The following PTPRQ variants were observed in gnomAD, a reference collection of about 807,000 sequenced individuals.
PTPRQ encodes the protein phosphatidylinositol phosphatase PTPRQ.
Under a neutral mutation model 246.0 loss-of-function variants are expected in PTPRQ, and 199 were observed. The observed-to-expected ratio is 0.81, with a 90% confidence interval of 0.72 to 0.91. PTPRQ has a LOEUF of 0.91. Ranked by LOEUF, PTPRQ falls within the 40% of genes least tolerant of loss-of-function variation. PTPRQ has a pLI of 0.00. For missense variants in PTPRQ, 2,624 were observed against 2,528.4 expected, an observed-to-expected ratio of 1.04 and a Z score of -0.81; for synonymous variants, 869 against 853.2, an observed-to-expected ratio of 1.02 and a Z score of -0.32.
In PTPRQ at chr12:80,478,653, A is replaced by C. The variant is rs147225426; in HGVS notation, c.1187-5780A>C. 7.3e-3 allele frequency among the ~76,000 whole-genome samples: 1,118 copies of C among 152,292 alleles called. 13 individuals carry two copies. The highest frequency in any genetic ancestry group is 0.026 in the African/African-American group (1,063 of 41,548). On this transcript the variant is annotated intron_variant, in intron 8 of 44. Transcript: ENST00000644991. ...AAAAAATTTAGAAGAATGTATAACT[A>C]GAATAACCAATACAGAGAAGTGCTT...
At position 80,493,390 on chromosome 12, in the gene PTPRQ, A is replaced by G; in HGVS notation, c.1475A>G (p.Tyr492Cys). ...SDLHSLATFIYNSHPDKNFPA... is the reference protein window; with the variant it reads ...SDLHSLATFICNSHPDKNFPA... Reference sequence around the variant, plus strand: ...CTTCACTCACTTGCTACATTTATATATAACAGCCATCCAGATAAAAACTTT... The same window carrying G: ...CTTCACTCACTTGCTACATTTATATGTAACAGCCATCCAGATAAAAACTTT... Residue 492 changes from tyrosine (Y) to cysteine (C), a missense_variant, in exon 10 of 45, where the codon TAT becomes TGT. By Grantham distance (194) the Tyr-to-Cys change is radical. Coordinates refer to ENST00000644991, the MANE Select transcript of PTPRQ (RefSeq NM_001145026.2). 6.5e-7 allele frequency: 1 copy of G among 1,550,246 alleles called. No individual in the cohort carries two copies. The highest frequency in any genetic ancestry group is 1.2e-5 in the South Asian group (1 of 84,008).
rs550979540 is a variant in PTPRQ at position 80,659,815 on chromosome 12, A to G, written c.6192+1754A>G. Among the ~76,000 whole-genome samples the G allele has an allele frequency of 4.0e-4, 61 of 152,208 alleles. 1 individual carries two copies. The highest frequency in any genetic ancestry group is 1.4e-3 in the African/African-American group (59 of 41,554). On this transcript the variant is annotated intron_variant, in intron 39 of 44. Transcript: ENST00000644991. ...ACTATGACCCAATGTAATGATATGC[A>G]TAATCATTGCTGAGCTGCATGGTAA...
At chr12:80,649,293 A>G (rs1291049496) in intron 36 of PTPRQ, among the ~76,000 whole-genome samples, 1 of 152,184 alleles carries the variant, frequency 6.6e-6, no homozygotes, top group African/African-American at 2.4e-5. Context: ...GGAGTCAATG[A>G]TAACTTCATG....
chr12:80,565,751 T>TA (rs1175272933), intron 25 of PTPRQ, among the ~76,000 whole-genome samples: 1 of 152,208 alleles, frequency 6.6e-6, no homozygotes, highest in Non-Finnish European at 1.5e-5. Flanking sequence ...AGACCTAATT[T>TA]AAAATCAATG....
chr12:80,454,684 T>G, intron 3 of PTPRQ: 2 of 571,196 alleles, frequency 3.5e-6, no homozygotes, highest in South Asian at 4.8e-5. Context: ...GAAGGGATAT[T>G]GGATTTTATT....
chr12:80,541,543 T>G lies in PTPRQ; in HGVS notation c.3155-12T>G, dbSNP rs1565774666. 1.4e-6 allele frequency: 2 copies of G among 1,452,974 alleles called. No homozygotes were observed. Among genetic ancestry groups the G allele is most frequent in the Non-Finnish European group, 9.1e-7 (1 of 1,099,734 alleles). 90.0% of individuals were successfully genotyped at this position (1,452,974 alleles called of 1,614,324 possible). A position where few individuals can be genotyped will look rare whatever the true frequency, so the allele number is the denominator to read the frequency against. On this transcript the variant is annotated splice_polypyrimidine_tract_variant and intron_variant, in intron 20 of 44. Coordinates refer to ENST00000644991, the MANE Select transcript of PTPRQ (RefSeq NM_001145026.2). ...CTGATGATTTTTGTATTTTGCCCAT[T>G]ACCTATCATAGTACCTGAAGGGTTT... is the stretch of plus-strand genomic sequence containing the variant.
intron 35 of PTPRQ, among the ~76,000 whole-genome samples, chr12:80,643,866 T>A (rs562551833): frequency 6.6e-6 from 1 of 152,292 alleles, no homozygotes; most frequent in South Asian, 2.1e-4. Flanking sequence ...CTTCACAAAT[T>A]TAATCTAAGT....
At chr12:80,669,266 C>T (rs955516058) in intron 40 of PTPRQ, 73 bp from the exon 41 acceptor site, 17 of 1,529,612 alleles carry the variant, frequency 1.1e-5, no homozygotes, top group Middle Eastern at 1.7e-4. Context: ...TTAACTTAGT[C>T]GTAATAACTG....
At position 80,496,031 on chromosome 12, in the gene PTPRQ, G is replaced by T. The variant is rs1321948944; in HGVS notation, c.1915G>T (p.Val639Leu). Residue 639 changes from valine (V) to leucine (L), a missense_variant, in exon 13 of 45, where the codon GTG becomes TTG. Physicochemically the swap from Val to Leu is conservative, Grantham distance 32. Coordinates refer to ENST00000644991, the MANE Select transcript of PTPRQ (RefSeq NM_001145026.2). ...LKKYTKYKMR[V>L]AASTHVGESS... ...GAAATACACAAAATACAAAATGAGA[G>T]TGGCAGCCTCAACCCACGTTGGAGA... The T allele has an allele frequency of 6.5e-7, 1 of 1,550,062 alleles. No homozygotes were observed. The highest frequency in any genetic ancestry group is 2.0e-5 in the Admixed American group (1 of 50,856).
rs934076922 is a variant in PTPRQ, at chr12:80,535,042, G to T, written c.2985+5G>T. Reference sequence around the variant, plus strand: ...ACTTCAGGTACTTTTATGCAGGTAAGAACTGAATTTTCTTCTAGTTCTTTA... The same window carrying T: ...ACTTCAGGTACTTTTATGCAGGTAATAACTGAATTTTCTTCTAGTTCTTTA... On this transcript the variant is annotated splice_donor_5th_base_variant and intron_variant, in intron 19 of 44. Transcript: ENST00000644991. 4.0e-6 allele frequency: 6 copies of T among 1,503,224 alleles called. No individual in the cohort carries two copies. The African/African-American group carries it at 8.6e-5, about 22-fold the overall frequency. 93.1% of individuals were successfully genotyped at this position (1,503,224 alleles called of 1,614,324 possible). A position where few individuals can be genotyped will look rare whatever the true frequency, so the allele number is the denominator to read the frequency against.
intron 27 of PTPRQ, among the ~76,000 whole-genome samples, chr12:80,605,562 T>A (rs1007863474): frequency 6.6e-6 from 1 of 151,176 alleles, no homozygotes; most frequent in Non-Finnish European, 1.5e-5. Flanking sequence ...CGGTAGAAAG[T>A]AATTCATAAT....
At chr12:80,613,876 T>C in intron 29 of PTPRQ, 40 bp downstream of exon 29, 1 of 1,460,478 alleles carries the variant, frequency 6.8e-7, no homozygotes, top group Non-Finnish European at 9.1e-7. Context: ...CAAATGACAA[T>C]GTCAGTTTAT....
intron 27 of PTPRQ, among the ~76,000 whole-genome samples, chr12:80,607,264 A>G (rs920328855): frequency 2.0e-5 from 3 of 151,006 alleles, no homozygotes; most frequent in Non-Finnish European, 4.5e-5. Context: ...TAACAGATCA[A>G]CAATGGTTTG....
chr12:80,632,409 T>C, intron 34 of PTPRQ, 118 bp downstream of exon 34: 8 of 1,363,546 alleles, frequency 5.9e-6, no homozygotes, highest in Non-Finnish European at 8.0e-6. Flanking sequence ...TTATTTTTAA[T>C]AGACAGATAA....
chr12:80,473,055 A>ACACG (rs1337309673), intron 8 of PTPRQ, among the ~76,000 whole-genome samples: 2 of 150,444 alleles, frequency 1.3e-5, no homozygotes, highest in African/African-American at 4.9e-5. Context: ...ACGCACACAC[A>ACACG]CACACACACA....
chr12:80,613,776 C>A lies in PTPRQ; in HGVS notation c.5103C>A (p.Thr1701=), dbSNP rs1175106700. The A allele has an allele frequency of 6.5e-6, 10 of 1,541,634 alleles. No homozygotes were observed. The highest frequency in any genetic ancestry group is 4.2e-5 in the African/African-American group (3 of 72,190). ...ACAACCTCAGTATTATACAGAAAAC[C>A]AACACATTCGTCATTGCAATGCTAG... The part of the protein sequence containing the change: ...QIHNLSIIQK[T]NTFVIAMLEG... Residue 1701 remains threonine (T), a synonymous_variant, in exon 29 of 45, where the codon ACC becomes ACA. Coordinates refer to ENST00000644991, the MANE Select transcript of PTPRQ (RefSeq NM_001145026.2).
intron 19 of PTPRQ, among the ~76,000 whole-genome samples, chr12:80,539,108 AG>A (rs1896072920): frequency 6.6e-6 from 1 of 152,148 alleles, no homozygotes; most frequent in African/African-American, 2.4e-5. Context: ...TTGATAGGAA[AG>A]AAAATGATTA....
At chr12:80,614,117 G>T (rs1256692637) in intron 29 of PTPRQ, among the ~76,000 whole-genome samples, 2 of 150,314 alleles carry the variant, frequency 1.3e-5, no homozygotes, top group East Asian at 2.0e-4. Context: ...AAAAGTAAAA[G>T]AACAGTGATA....
intron 10 of PTPRQ, among the ~76,000 whole-genome samples, 185 bp from the exon 11 acceptor site, chr12:80,494,748 C>T (rs748735965): frequency 2.6e-4 from 39 of 151,884 alleles, no homozygotes; most frequent in Admixed American, 5.9e-4. Flanking sequence ...ATATTCAATA[C>T]GATCTCTAAA....
Sources: gnomAD v4.1 joint callset for allele counts (sites outside exome capture counted in the v4.1 genomes callset) on GRCh38, gnomAD v4.1.1 for gene constraint, MANE v1.5 for transcripts, NCBI Gene and HGNC (gene_info 2026-07-23, HGNC 2026-07-21) for gene names.